The following MSL2 variants were observed in gnomAD, a reference collection of about 807,000 sequenced individuals.
The protein encoded by MSL2 is E3 ubiquitin-protein ligase MSL2.
A neutral mutation model predicts 35.8 loss-of-function variants in MSL2; 2 were observed. The observed-to-expected ratio is 0.06, with a 90% CI of 0.02 to 0.18. The LOEUF (loss-of-function observed/expected upper bound fraction) is 0.18, where lower values mean the gene tolerates loss of function less well. Among genes scored for constraint, MSL2 ranks in the 10% least tolerant of loss-of-function variants. The pLI, the probability that MSL2 is intolerant of heterozygous loss-of-function variation, is 1.00. For missense variants in MSL2, 523 were observed against 706.7 expected (o/e 0.74, Z 2.95); for synonymous variants, 296 against 255.7 (o/e 1.16, Z -1.50).
At position 136,195,859 on chromosome 3, in the gene MSL2, C is replaced by T; in HGVS notation, c.-746G>A. ...GGGGAGGAAGTGCGCGGGCCGCCGCCGGCGGGCGGGAGGGGGCGGGGGGCA... is the reference window on the plus strand; with the variant it reads ...GGGGAGGAAGTGCGCGGGCCGCCGCTGGCGGGCGGGAGGGGGCGGGGGGCA... On this transcript the variant is annotated 5_prime_UTR_variant, in exon 1 of 2. Coordinates refer to ENST00000309993, the MANE Select transcript of MSL2 (RefSeq NM_018133.4). 4.1e-6 allele frequency: 4 copies of T among 980,526 alleles called. No homozygotes were observed. Among genetic ancestry groups the T allele is most frequent in the African/African-American group, 1.8e-5 (1 of 56,906 alleles). 60.7% of individuals were successfully genotyped at this position (980,526 alleles called of 1,614,324 possible).
At chr3:136,185,538 G>T (rs867508252) in intron 1 of MSL2, among the ~76,000 whole-genome samples, 73 of 120,732 alleles carry the variant, frequency 6.0e-4, no homozygotes, top group Admixed American at 1.6e-3. Context: ...CTTTTTTTTT[G>T]GAGGGGGGGG....
rs1002187205 is a variant in MSL2 at position 136,195,913 on chromosome 3, C to G, written c.-800G>C. 3 of 745,764 alleles carry G rather than the reference C, an allele frequency of 4.0e-6. No homozygotes were observed. The highest frequency in any genetic ancestry group is 4.9e-6 in the Non-Finnish European group (3 of 612,634). The allele number at this position is 745,764 out of a possible 1,614,324, so 46.2% of individuals were successfully genotyped here. Reference sequence around the variant, plus strand: ...CCGGCCGGGCCGCGGCGGCGCCCCTCGCGCCTCAGTCGCACACTCCGGGGT... The same window carrying G: ...CCGGCCGGGCCGCGGCGGCGCCCCTGGCGCCTCAGTCGCACACTCCGGGGT... On this transcript the variant is annotated 5_prime_UTR_variant, in exon 1 of 2. Transcript: ENST00000309993.
intron 1 of MSL2, among the ~76,000 whole-genome samples, chr3:136,163,611 C>G (rs1339334953): frequency 1.3e-5 from 2 of 152,170 alleles, no homozygotes; most frequent in Admixed American, 1.3e-4. Flanking sequence ...TGAAGAGGTT[C>G]CCACTGGCCA....
At chr3:136,185,939 T>C (rs1158112812) in intron 1 of MSL2, among the ~76,000 whole-genome samples, 1 of 151,868 alleles carries the variant, frequency 6.6e-6, no homozygotes, top group Non-Finnish European at 1.5e-5. Flanking sequence ...CAAGGTAACT[T>C]GGGGAAAATG....
chr3:136,181,426 A>G (rs1362223890), intron 1 of MSL2, among the ~76,000 whole-genome samples: 1 of 152,186 alleles, frequency 6.6e-6, no homozygotes, highest in Non-Finnish European at 1.5e-5. Context: ...CTCATTTGAC[A>G]TCTCTTCACA....
Position 136,195,935 on chromosome 3 carries a change from G to C in MSL2, c.-822C>G. 1.9e-6 allele frequency: 1 copy of C among 534,122 alleles called. No individual in the cohort carries two copies. The highest frequency in any genetic ancestry group is 2.1e-5 in the African/African-American group (1 of 47,526). 33.1% of individuals were successfully genotyped at this position (534,122 alleles called of 1,614,324 possible). ...CCTCGCGCCTCAGTCGCACACTCCGGGGTCACCAGACTCAAGCGCCGCCCC... is the reference window on the plus strand; with the variant it reads ...CCTCGCGCCTCAGTCGCACACTCCGCGGTCACCAGACTCAAGCGCCGCCCC... On this transcript the variant is annotated 5_prime_UTR_variant, in exon 1 of 2. Coordinates refer to ENST00000309993, the MANE Select transcript of MSL2 (RefSeq NM_018133.4).
chr3:136,171,550 A>C (rs543353200), intron 1 of MSL2, among the ~76,000 whole-genome samples: 2 of 152,288 alleles, frequency 1.3e-5, no homozygotes, highest in East Asian at 3.9e-4. Context: ...TAAAAGAATG[A>C]ATTTCTTTAA....
intron 1 of MSL2, among the ~76,000 whole-genome samples, chr3:136,154,191 T>C (rs981873884): frequency 8.8e-5 from 13 of 147,056 alleles, no homozygotes; most frequent in Non-Finnish European, 1.2e-4. Context: ...TAGAAAAAAA[T>C]ACAAAATGGA....
At chr3:136,178,092 G>T (rs1365877010) in intron 1 of MSL2, among the ~76,000 whole-genome samples, 2 of 152,086 alleles carry the variant, frequency 1.3e-5, no homozygotes, top group Non-Finnish European at 2.9e-5. Flanking sequence ...TAACCACTCA[G>T]ACCCACAACA....
At chr3:136,169,212 TTTGTTG>T (rs34080158) in intron 1 of MSL2, among the ~76,000 whole-genome samples, 6 of 87,658 alleles carry the variant, frequency 6.8e-5, no homozygotes, top group East Asian at 3.3e-4. Context: ...ATGGCTTGTT[TTTGTTG>T]TTGTTGTTTT....
chr3:136,162,273 TAAA>T (rs559618888), intron 1 of MSL2, among the ~76,000 whole-genome samples: 1 of 135,904 alleles, frequency 7.4e-6, no homozygotes, highest in Non-Finnish European at 1.6e-5. Flanking sequence ...ATAAGGTTTT[TAAA>T]AAAAAAAAAA....
chr3:136,184,731 A>G (rs1254390493), intron 1 of MSL2, among the ~76,000 whole-genome samples: 1 of 128,820 alleles, frequency 7.8e-6, no homozygotes, highest in African/African-American at 2.8e-5. Context: ...CAAGTTAGAT[A>G]AAGGTTAAAA....
At chr3:136,159,631 A>T (rs554031439) in intron 1 of MSL2, among the ~76,000 whole-genome samples, 1 of 151,696 alleles carries the variant, frequency 6.6e-6, no homozygotes, top group South Asian at 2.1e-4. Context: ...CGGCCTCCCA[A>T]AGTGCTGCGA....
At chr3:136,153,786 T>C (rs1335515817) in intron 1 of MSL2, among the ~76,000 whole-genome samples, 1 of 124,654 alleles carries the variant, frequency 8.0e-6, no homozygotes, top group Non-Finnish European at 1.6e-5. Context: ...CGAGACTTAG[T>C]CTCAAAAAAA....
intron 1 of MSL2, among the ~76,000 whole-genome samples, chr3:136,167,196 G>C (rs1939876174): frequency 6.6e-6 from 1 of 152,082 alleles, no homozygotes; most frequent in Non-Finnish European, 1.5e-5. Context: ...AGATTAAAAT[G>C]TAACATGGAC....
At chr3:136,159,383 AGACGGATTCTCGC>A (rs1939634124) in intron 1 of MSL2, among the ~76,000 whole-genome samples, 1 of 29,550 alleles carries the variant, frequency 3.4e-5, no homozygotes, top group Non-Finnish European at 6.6e-5. Flanking sequence ...TTTTTTTTTG[AGACGGATTCTCGC>A]TCTGTCGCCC....
At chr3:136,182,628 G>A (rs745647518) in intron 1 of MSL2, among the ~76,000 whole-genome samples, 1 of 151,558 alleles carries the variant, frequency 6.6e-6, no homozygotes, top group African/African-American at 2.4e-5. Context: ...TTGTCAGAGC[G>A]AAGCACAGAG....
intron 1 of MSL2, among the ~76,000 whole-genome samples, chr3:136,176,311 C>A (rs1463824387): frequency 6.6e-6 from 1 of 151,946 alleles, no homozygotes; most frequent in Non-Finnish European, 1.5e-5. Context: ...TCCAGGAGTT[C>A]AAGACCAGCC....
At chr3:136,172,470 T>C (rs551384208) in intron 1 of MSL2, among the ~76,000 whole-genome samples, 2 of 152,246 alleles carry the variant, frequency 1.3e-5, no homozygotes, top group South Asian at 2.1e-4. Flanking sequence ...TTATTCCCTA[T>C]GCAGAAGCTT....
Sources: gnomAD v4.1 joint callset for allele counts (sites outside exome capture counted in the v4.1 genomes callset) on GRCh38, gnomAD v4.1.1 for gene constraint, MANE v1.5 for transcripts, NCBI Gene and HGNC (gene_info 2026-07-23, HGNC 2026-07-21) for gene names.